The following ETV5 variants were observed in gnomAD, a reference collection of about 807,000 sequenced individuals.
The protein encoded by ETV5 is ETS variant transcription factor 5, also known as ETS translocation variant 5.
ETV5 carries 10 observed loss-of-function variants against 70.0 expected under a neutral mutation model. That is an observed-to-expected ratio of 0.14 (90% CI 0.09 to 0.24). The LOEUF is 0.24. Ranked by LOEUF, ETV5 falls within the 10% of genes least tolerant of loss-of-function variation. The pLI is 1.00. For synonymous variants in ETV5, 216 were observed against 242.2 expected (o/e 0.89, Z 1.01); for missense variants, 453 against 651.2 (o/e 0.70, Z 3.31).
At chr3:186,103,517 A>G (rs1169805389) in intron 5 of ETV5, among the ~76,000 whole-genome samples, 1 of 151,992 alleles carries the variant, frequency 6.6e-6, no homozygotes, top group Non-Finnish European at 1.5e-5. Flanking sequence ...CCACCTCCCA[A>G]ACAGACTGCA....
At chr3:186,108,601 G>A in intron 1 of ETV5, 2 of 1,224,008 alleles carry the variant, frequency 1.6e-6, no homozygotes, top group Middle Eastern at 2.3e-4. Flanking sequence ...CGGGGCTCTC[G>A]AATCTCCAGA....
rs571031588 is a variant in ETV5, at chr3:186,052,524, T to C, written c.1210-393A>G. On this transcript the variant is annotated intron_variant, in intron 11 of 12. Transcript: ENST00000306376. The surrounding 1 kb of genome is among the most constrained non-coding windows in gnomAD (Gnocchi z 4.5). ...AAGGAATAATTAGAATGGTCATTCCTGAAACATTAGAAACACACTAGTGAG... is the reference window on the plus strand; with the variant it reads ...AAGGAATAATTAGAATGGTCATTCCCGAAACATTAGAAACACACTAGTGAG... Among the ~76,000 whole-genome samples the C allele has an allele frequency of 5.3e-5, 8 of 152,288 alleles. No homozygotes were observed. The South Asian group carries it at 1.7e-3, about 32-fold the overall frequency.
intron 5 of ETV5, among the ~76,000 whole-genome samples, chr3:186,089,835 A>G (rs1714139823): frequency 6.6e-6 from 1 of 152,238 alleles, no homozygotes; most frequent in Non-Finnish European, 1.5e-5. Context: ...CAAAACCATT[A>G]TCAACATTGC....
Position 186,080,035 on chromosome 3 carries a change from G to C in ETV5, c.432C>G (p.Thr144=). The C allele has an allele frequency of 6.5e-7, 1 of 1,538,642 alleles. No individual in the cohort carries two copies. Among genetic ancestry groups the C allele is most frequent in the Non-Finnish European group, 8.7e-7 (1 of 1,151,932 alleles). The change falls in exon 7 of 13, where the codon ACC becomes ACG. Residue 144 remains threonine (T), a synonymous_variant. Coordinates refer to ENST00000306376, the MANE Select transcript of ETV5 (RefSeq NM_004454.3). ...LTPPTTPLSP[T]HQNPLFPPPQ... is the part of the protein sequence containing the mutation. ...GTGGGGGAAATAGGGGATTCTGATG[G>C]GTGGGTGAGAGGGGGGTTGTAGGAG...
chr3:186,056,309 C>T (rs1266725961), intron 11 of ETV5, among the ~76,000 whole-genome samples: 2 of 152,106 alleles, frequency 1.3e-5, no homozygotes, highest in Non-Finnish European at 2.9e-5. Flanking sequence ...CACAGGGTCT[C>T]GCTCTGTCAC....
intron 7 of ETV5, among the ~76,000 whole-genome samples, chr3:186,071,605 A>G (rs913385811): frequency 4.6e-5 from 7 of 152,170 alleles, no homozygotes; most frequent in African/African-American, 1.4e-4. Context: ...TTCTCAATAA[A>G]CATTATCTTC....
At chr3:186,090,261 G>GAT (rs1714149918) in intron 5 of ETV5, among the ~76,000 whole-genome samples, 1 of 152,160 alleles carries the variant, frequency 6.6e-6, no homozygotes, top group African/African-American at 2.4e-5. Context: ...CTTACACAAG[G>GAT]ATATATGCTG....
chr3:186,109,016 G>A lies in ETV5; in HGVS notation c.-151C>T, dbSNP rs1714672593. 6.5e-6 allele frequency: 1 copy of A among 153,414 alleles called. No homozygotes were observed. Among genetic ancestry groups the A allele is most frequent in the Admixed American group, 6.5e-5 (1 of 15,306 alleles). The allele number at this position is 153,414 out of a possible 1,614,324, so 9.5% of individuals were successfully genotyped here. On this transcript the variant is annotated 5_prime_UTR_variant, in exon 1 of 13. Coordinates refer to ENST00000306376, the MANE Select transcript of ETV5 (RefSeq NM_004454.3). ...CTCACGCACGCGCGCAGCGGGCCTGGGCGCCTGGGCGAAAGGCTGGGCCGA... is the reference window on the plus strand; with the variant it reads ...CTCACGCACGCGCGCAGCGGGCCTGAGCGCCTGGGCGAAAGGCTGGGCCGA...
At chr3:186,079,789 TAAGG>T (rs1475752963) in intron 7 of ETV5, 24 bp downstream of exon 7, 2 of 1,584,522 alleles carry the variant, frequency 1.3e-6, no homozygotes, top group Non-Finnish European at 1.7e-6. Flanking sequence ...GGGAGACAAT[TAAGG>T]AAGAAGCCCA....
intron 1 of ETV5, among the ~76,000 whole-genome samples, chr3:186,107,953 A>C (rs1578566548): frequency 3.8e-5 from 5 of 131,066 alleles, no homozygotes; most frequent in Admixed American, 8.0e-5. Context: ...CAGGCCCCTC[A>C]CCCCAGCGTT....
At chr3:186,107,820 T>C (rs943087979) in intron 1 of ETV5, among the ~76,000 whole-genome samples, 1 of 152,038 alleles carries the variant, frequency 6.6e-6, no homozygotes, top group Non-Finnish European at 1.5e-5. Context: ...ACTGGATCTC[T>C]AGCGCTGGGC....
In ETV5 at chr3:186,075,190, A is replaced by T. The variant is rs7639550; in HGVS notation, c.650+4627T>A. Among the ~76,000 whole-genome samples, 985 of 152,336 alleles carry T rather than the reference A, an allele frequency of 6.5e-3. 12 individuals carry two copies. Among genetic ancestry groups the T allele is most frequent in the African/African-American group, 0.022 (920 of 41,580 alleles). On this transcript the variant is annotated intron_variant, in intron 7 of 12. Coordinates refer to ENST00000306376, the MANE Select transcript of ETV5 (RefSeq NM_004454.3). ...TACGCACTCTAACCATTACAAGAACATCATTCAGTCTGTCAAAGAAGGATC... is the reference window on the plus strand; with the variant it reads ...TACGCACTCTAACCATTACAAGAACTTCATTCAGTCTGTCAAAGAAGGATC...
At chr3:186,076,507 A>C (rs1446108194) in intron 7 of ETV5, 3 of 182,898 alleles carry the variant, frequency 1.6e-5, no homozygotes, top group African/African-American at 7.0e-5. Context: ...TGTACTACAG[A>C]GCCCAGGACT....
intron 7 of ETV5, among the ~76,000 whole-genome samples, chr3:186,069,501 GTTTTTTT>G (rs370864275): frequency 7.7e-6 from 1 of 129,398 alleles, no homozygotes; most frequent in African/African-American, 2.7e-5. Flanking sequence ...AGACGAAGTT[GTTTTTTT>G]TTTTTTTTTT....
intron 7 of ETV5, among the ~76,000 whole-genome samples, chr3:186,069,520 T>A (rs199620828): frequency 0.12 from 17,701 of 147,444 alleles, 1,752 homozygotes; most frequent in African/African-American, 0.28. Context: ...TTTTTTTTTT[T>A]AAAAAAAGTC....
At position 186,057,024 on chromosome 3, in the gene ETV5, C is replaced by A. The variant is rs59852126; in HGVS notation, c.1209+51G>T. ...CAATGGAAATCTAAACAAAAAACAT[C>A]ATCAACAACAACAAATCAAAACCCG... On this transcript the variant is annotated intron_variant, in intron 11 of 12. Coordinates refer to ENST00000306376, the MANE Select transcript of ETV5 (RefSeq NM_004454.3). The surrounding 1 kb of genome is among the most constrained non-coding windows in gnomAD (Gnocchi z 4.9). 0.051 allele frequency: 80,572 copies of A among 1,581,972 alleles called. 7,647 individuals carry two copies. The highest frequency in any genetic ancestry group is 0.47 in the East Asian group (20,619 of 44,234).
At chr3:186,106,880 CTT>C (rs1714601559) in intron 1 of ETV5, 1 of 899,510 alleles carries the variant, frequency 1.1e-6, no homozygotes, top group Non-Finnish European at 1.3e-6. Context: ...TTCCTAAACA[CTT>C]TTATTCTTCA....
At chr3:186,108,409 G>T in intron 1 of ETV5, 1 of 831,738 alleles carries the variant, frequency 1.2e-6, no homozygotes, top group Non-Finnish European at 1.8e-6. Context: ...AACTTGCAAG[G>T]CCTGCGTAAG....
Position 186,105,166 on chromosome 3 carries a change from A to T in ETV5, c.232+139T>A. 1 of 621,630 alleles carries T rather than the reference A, an allele frequency of 1.6e-6. No individual in the cohort carries two copies. The highest frequency in any genetic ancestry group is 2.7e-6 in the Non-Finnish European group (1 of 364,558). 38.5% of individuals were successfully genotyped at this position (621,630 alleles called of 1,614,324 possible). A position where few individuals can be genotyped will look rare whatever the true frequency, so the allele number is the denominator to read the frequency against. On this transcript the variant is annotated intron_variant, in intron 5 of 12. Transcript: ENST00000306376. The surrounding 1 kb of genome is among the most constrained non-coding windows in gnomAD (Gnocchi z 4.5). ...TTATGAAATAAAAGTTTTCAGGGTTAATTCTGAATTATTAGAAGAAACTAA... is the reference window on the plus strand; with the variant it reads ...TTATGAAATAAAAGTTTTCAGGGTTTATTCTGAATTATTAGAAGAAACTAA...
Sources: gnomAD v4.1 joint callset for allele counts (sites outside exome capture counted in the v4.1 genomes callset) on GRCh38, gnomAD v4.1.1 for gene constraint, Gnocchi (gnomAD v3.1) non-coding constraint, MANE v1.5 for transcripts, NCBI Gene and HGNC (gene_info 2026-07-23, HGNC 2026-07-21) for gene names.